INSR: variants seen among roughly 807,000 people sequenced by gnomAD.
The protein encoded by INSR is IR.
INSR carries 67 observed loss-of-function variants against 142.6 expected under a neutral mutation model. The observed-to-expected ratio is 0.47, with a 90% confidence interval of 0.39 to 0.58. INSR has a LOEUF of 0.58. Ranked by LOEUF, INSR falls within the 20% of genes least tolerant of loss-of-function variation. INSR has a pLI of 0.00. For synonymous variants in INSR, 756 were observed against 743.1 expected (o/e 1.02, Z -0.28); for missense variants, 1,248 against 1,833.2 (o/e 0.68, Z 5.83).
At chr19:7,233,506 C>G (rs971033438) in intron 2 of INSR, among the ~76,000 whole-genome samples, 1 of 151,954 alleles carries the variant, frequency 6.6e-6, no homozygotes, top group African/African-American at 2.4e-5. Flanking sequence ...GCCCTGACCC[C>G]GAGTGCTGGG....
Position 7,294,396 on chromosome 19 carries a change from G to A in INSR, c.-505C>T, listed in dbSNP as rs1220465451. Among the ~76,000 whole-genome samples the A allele has an allele frequency of 1.5e-4, 22 of 151,578 alleles. No individual in the cohort carries two copies. Among genetic ancestry groups the A allele is most frequent in the Admixed American group, 1.4e-3 (22 of 15,240 alleles). On this transcript the variant is annotated 5_prime_UTR_variant, in exon 1 of 22. Transcript: ENST00000302850. Reference sequence around the variant, plus strand: ...CAGCTGGGCCCCGTGCGGGCCGCGGGAAAAGGCGGCGCGGATCTGGCCTAG... The same window carrying A: ...CAGCTGGGCCCCGTGCGGGCCGCGGAAAAAGGCGGCGCGGATCTGGCCTAG...
chr19:7,117,172 C>T lies in INSR; in HGVS notation c.4033G>A (p.Gly1345Arg). Residue 1345 changes from glycine to arginine, a missense_variant, in exon 22 of 22, where the codon GGA (glycine) becomes AGA (arginine). This residue lies in a region of INSR where 122 missense variants were observed against 129.8 expected (regional missense o/e 0.94). Transcript: ENST00000302850. ...CGCTTGAAACCCAGCGAGGACCCTC[C>T]ATCCCGGCCCCCCGCCTCCTCCCTC... ...CQREEAGGRDGGSSLGFKRSY... is the reference protein window; with the variant it reads ...CQREEAGGRDRGSSLGFKRSY... 1 of 1,614,156 alleles carries T rather than the reference C, an allele frequency of 6.2e-7. No homozygotes were observed. The highest frequency in any genetic ancestry group is 8.5e-7 in the Non-Finnish European group (1 of 1,180,014).
chr19:7,170,517 G>A lies in INSR; in HGVS notation c.1483+20C>T, dbSNP rs775161469. 1 of 1,592,380 alleles carries A rather than the reference G, an allele frequency of 6.3e-7. No homozygotes were observed. The highest frequency in any genetic ancestry group is 8.6e-7 in the Non-Finnish European group (1 of 1,161,714). ...TACACCGGTCCCTCATGCCAAAAAG[G>A]TTGGGGACCAGTGACTTACAGGATG... On this transcript the variant is annotated intron_variant, in intron 6 of 21. Transcript: ENST00000302850.
intron 2 of INSR, among the ~76,000 whole-genome samples, chr19:7,215,152 C>T (rs1159884797): frequency 1.3e-5 from 2 of 151,990 alleles, no homozygotes; most frequent in Non-Finnish European, 2.9e-5. Flanking sequence ...AAAGGTCATA[C>T]AGCAAAGAAG....
At chr19:7,158,783 C>G (rs1973677505) in intron 9 of INSR, among the ~76,000 whole-genome samples, 1 of 152,104 alleles carries the variant, frequency 6.6e-6, no homozygotes, top group African/African-American at 2.4e-5. Flanking sequence ...ACCGTGGTAA[C>G]AACATATACA....
At chr19:7,170,796 C>G (rs781282173) in intron 5 of INSR, 45 bp from the exon 6 acceptor site, 2 of 1,448,042 alleles carry the variant, frequency 1.4e-6, no homozygotes, top group Non-Finnish European at 1.9e-6. Flanking sequence ...GGCTGGTCTT[C>G]TACAACTCCA....
At chr19:7,288,818 C>G (rs1351517181) in intron 1 of INSR, among the ~76,000 whole-genome samples, 1 of 151,776 alleles carries the variant, frequency 6.6e-6, no homozygotes, top group Admixed American at 6.6e-5. Flanking sequence ...CAAAAACTAG[C>G]CAGGCGGGGT....
intron 2 of INSR, among the ~76,000 whole-genome samples, chr19:7,219,206 C>T (rs992844055): frequency 1.3e-5 from 2 of 152,164 alleles, no homozygotes; most frequent in Non-Finnish European, 2.9e-5. Flanking sequence ...CAGGATAAAA[C>T]TGCAGGGGTG....
In INSR at chr19:7,227,733, C is replaced by G. The variant is rs59168187; in HGVS notation, c.652+39612G>C. ...GCAAGTTACAAAACATGTTCTCCAT[C>G]AAGCCACACAGGGTTATGGATCGGA... On this transcript the variant is annotated intron_variant, in intron 2 of 21. Transcript: ENST00000302850. Among the ~76,000 whole-genome samples, 432 of 152,274 alleles carry G rather than the reference C, an allele frequency of 2.8e-3. 6 individuals are homozygous for G. In the East Asian group the frequency reaches 0.073, roughly 26 times the overall value.
intron 2 of INSR, among the ~76,000 whole-genome samples, chr19:7,260,991 G>A (rs966043484): frequency 3.3e-5 from 5 of 151,708 alleles, no homozygotes; most frequent in South Asian, 2.1e-4. Flanking sequence ...GGGCCCATGC[G>A]ATCCTCCCAC....
rs1024189581 is a variant in INSR, at chr19:7,166,784, G to T, written c.1611-380C>A. On this transcript the variant is annotated intron_variant, in intron 7 of 21. Transcript: ENST00000302850. This position sits in a 1 kb window ranked among gnomAD's most constrained non-coding sequence, Gnocchi z 4.1. ...AAAATACAAAAATTATCTGGGCATG[G>T]TGGCAGATGCTTGTAATCCCAGCTA... Among the ~76,000 whole-genome samples, 1 of 152,080 alleles carries T rather than the reference G, an allele frequency of 6.6e-6. No homozygotes were observed. Among genetic ancestry groups the T allele is most frequent in the Non-Finnish European group, 1.5e-5 (1 of 68,030 alleles).
At chr19:7,187,602 G>A (rs1974464067) in intron 2 of INSR, among the ~76,000 whole-genome samples, 3 of 152,028 alleles carry the variant, frequency 2.0e-5, no homozygotes, top group South Asian at 2.1e-4. Flanking sequence ...ATGGGGTCTG[G>A]CTCTGTCACT....
At chr19:7,137,504 C>G (rs2144847942) in intron 13 of INSR, among the ~76,000 whole-genome samples, 1 of 152,048 alleles carries the variant, frequency 6.6e-6, no homozygotes, top group East Asian at 1.9e-4. Context: ...GCAACTGACC[C>G]AGGCTAGGCA....
In INSR at chr19:7,141,791, A is replaced by G; in HGVS notation, c.2568T>C (p.Pro856=). The G allele has an allele frequency of 2.2e-5, 36 of 1,614,166 alleles. No homozygotes were observed. Among genetic ancestry groups the G allele is most frequent in the Non-Finnish European group, 3.1e-5 (36 of 1,180,002 alleles). Reference sequence around the variant, plus strand: ...TGTTCTCAAAGATTTCATGCGTCACAGGGCCAACAATGTCATCAGCCTTGG... The same window carrying G: ...TGTTCTCAAAGATTTCATGCGTCACGGGGCCAACAATGTCATCAGCCTTGG... ...PEAKADDIVG[P]VTHEIFENNV... The change falls in exon 13 of 22, where the codon CCT becomes CCC. Residue 856 remains proline, a synonymous_variant. Coordinates refer to ENST00000302850, the MANE Select transcript of INSR (RefSeq NM_000208.4).
chr19:7,227,317 GGCT>G (rs1975818736), intron 2 of INSR, among the ~76,000 whole-genome samples: 1 of 151,672 alleles, frequency 6.6e-6, no homozygotes, highest in Non-Finnish European at 1.5e-5. Flanking sequence ...CTGTTGCCCA[GGCT>G]GGAGTGCAGT....
chr19:7,203,816 G>A (rs1385860253), intron 2 of INSR, among the ~76,000 whole-genome samples: 2 of 111,450 alleles, frequency 1.8e-5, no homozygotes, highest in Non-Finnish European at 3.9e-5. Context: ...TGACAAAAGG[G>A]AGACGACTTT....
intron 2 of INSR, among the ~76,000 whole-genome samples, chr19:7,241,153 C>T (rs1214439303): frequency 6.7e-6 from 1 of 149,028 alleles, no homozygotes; most frequent in African/African-American, 2.5e-5. Flanking sequence ...ATTACTTTCA[C>T]TTATTCACTT....
At chr19:7,189,472 G>C (rs927535349) in intron 2 of INSR, among the ~76,000 whole-genome samples, 3 of 152,158 alleles carry the variant, frequency 2.0e-5, no homozygotes, top group African/African-American at 7.2e-5. Flanking sequence ...AAATACTTGA[G>C]GCTTTGCAGG....
intron 2 of INSR, among the ~76,000 whole-genome samples, chr19:7,218,344 A>C (rs1975500267): frequency 6.6e-6 from 1 of 152,010 alleles, no homozygotes; most frequent in Non-Finnish European, 1.5e-5. Flanking sequence ...ACTGTGGTTG[A>C]ATAGGCAGGG....
Sources: gnomAD v4.1 joint callset for allele counts (sites outside exome capture counted in the v4.1 genomes callset) on GRCh38, gnomAD v4.1.1 for gene constraint, gnomAD v4.1.1 regional missense constraint, Gnocchi (gnomAD v3.1) non-coding constraint, MANE v1.5 for transcripts, NCBI Gene and HGNC (gene_info 2026-07-23, HGNC 2026-07-21) for gene names.